Variants in CFAP36 observed in about 807,000 individuals in gnomAD.
CFAP36 encodes the protein cilia and flagella associated protein 36.
In CFAP36, 37 loss-of-function variants were observed where a neutral mutation model predicts 50.5. The ratio of observed to expected loss-of-function variants is 0.73; its 90% CI spans 0.56 to 0.96. The LOEUF is 0.96. Ranked by LOEUF, CFAP36 falls within the 50% of genes least tolerant of loss-of-function variation. The pLI is 0.00. For synonymous variants in CFAP36, 138 were observed against 128.2 expected (o/e 1.08, Z -0.52); for missense variants, 407 against 396.2 (o/e 1.03, Z -0.23).
rs569240974 is a variant in CFAP36, at chr2:55,520,003, C to G, written c.115+87C>G. The G allele has an allele frequency of 2.1e-3, 2,567 of 1,210,818 alleles. 26 individuals carry two copies. The highest frequency in any genetic ancestry group is 0.018 in the Admixed American group (926 of 50,456). 75.0% of individuals were successfully genotyped at this position (1,210,818 alleles called of 1,614,324 possible). On this transcript the variant is annotated intron_variant, in intron 1 of 9. Transcript: ENST00000349456. ...GGGTTGGTAACCACAAGCCATCTCT[C>G]GTCTCCCCGACCCCCTGTCTCCACC...
chr2:55,524,894 T>C (rs1684164792), intron 3 of CFAP36, among the ~76,000 whole-genome samples: 1 of 151,116 alleles, frequency 6.6e-6, no homozygotes, highest in African/African-American at 2.4e-5. Context: ...GGCAGGAGAA[T>C]CCCTTGAACC....
At chr2:55,539,035 T>C in intron 7 of CFAP36, 1 of 818,044 alleles carries the variant, frequency 1.2e-6, no homozygotes. Context: ...GTCCCTGCCC[T>C]AGTACATGCC....
At chr2:55,538,523 A>G (rs944490418) in intron 7 of CFAP36, among the ~76,000 whole-genome samples, 2 of 151,760 alleles carry the variant, frequency 1.3e-5, no homozygotes, top group Non-Finnish European at 2.9e-5. Context: ...CGAACTCCCA[A>G]CCTTAGGTGA....
chr2:55,525,944 G>A (rs1684197656), intron 3 of CFAP36, among the ~76,000 whole-genome samples: 1 of 152,112 alleles, frequency 6.6e-6, no homozygotes, highest in African/African-American at 2.4e-5. Context: ...GCTCTTATAA[G>A]CATCTGTACA....
At position 55,521,589 on chromosome 2, in the gene CFAP36, G is replaced by GTA. The variant is rs1000079986; in HGVS notation, c.116-507_116-506dup. On this transcript the variant is annotated intron_variant, in intron 1 of 9. Coordinates refer to ENST00000349456, the MANE Select transcript of CFAP36 (RefSeq NM_080667.7). ...CAAAAAAGCTTGTTTACAATTAATA[G>GTA]TATATATGTGTGTGTGTGTGTGTGT... Among the ~76,000 whole-genome samples the GTA allele has an allele frequency of 1.5e-4, 20 of 132,144 alleles. No individual in the cohort carries two copies. The South Asian group carries it at 2.4e-3, about 16-fold the overall frequency. 86.7% of individuals were successfully genotyped at this position (132,144 alleles called of 152,430 possible).
At chr2:55,520,331 C>G in intron 1 of CFAP36, 3 of 1,314,026 alleles carry the variant, frequency 2.3e-6, no homozygotes, top group Non-Finnish European at 3.1e-6. Flanking sequence ...TACCTGAGTT[C>G]CTTATGATCC....
chr2:55,530,971 C>T (rs1055790710), intron 4 of CFAP36: 4 of 152,202 alleles, frequency 2.6e-5, no homozygotes, highest in African/African-American at 9.6e-5. Flanking sequence ...ATGGCCCTTA[C>T]TGGGGAGTTT....
chr2:55,533,061 T>C (rs1346028049), intron 4 of CFAP36, among the ~76,000 whole-genome samples: 7 of 152,246 alleles, frequency 4.6e-5, no homozygotes, highest in African/African-American at 1.7e-4. Context: ...AACACCATGG[T>C]TTTATTACAC....
chr2:55,527,563 C>A (rs969890375), intron 3 of CFAP36, among the ~76,000 whole-genome samples: 5 of 151,722 alleles, frequency 3.3e-5, no homozygotes, highest in African/African-American at 9.7e-5. Context: ...GCCTGGGTGA[C>A]AGAACAAGAC....
At chr2:55,544,129 A>G in intron 8 of CFAP36, 55 bp downstream of exon 8, 1 of 1,609,276 alleles carries the variant, frequency 6.2e-7, no homozygotes, top group South Asian at 1.1e-5. Context: ...GTACTGGGAA[A>G]TCAAACTTCG....
chr2:55,533,707 A>AT (rs1158717747), intron 4 of CFAP36, among the ~76,000 whole-genome samples, 166 bp from the exon 5 acceptor site: 387 of 72,272 alleles, frequency 5.4e-3, no homozygotes, highest in South Asian at 0.021. Flanking sequence ...AAAAAAAAAA[A>AT]AATATATATA....
Position 55,524,422 on chromosome 2 carries a change from ATTTTTTTTTTTTT to A in CFAP36, c.282+613_282+625del, listed in dbSNP as rs57908457. Among the ~76,000 whole-genome samples, 186 of 99,378 alleles carry A rather than the reference ATTTTTTTTTTTTT, an allele frequency of 1.9e-3. 1 individual carries two copies. The highest frequency in any genetic ancestry group is 8.2e-3 in the African/African-American group (178 of 21,650). The allele number at this position is 99,378 out of a possible 152,430, so 65.2% of individuals were successfully genotyped here. A position where few individuals can be genotyped will look rare whatever the true frequency, so the allele number is the denominator to read the frequency against. ...GGTGCCGCACCAGCACACATGGCTA[ATTTTTTTTTTTTT>A]TTTTTTTTTTTTGTAGAGACAGGGT... is the stretch of plus-strand genomic sequence containing the variant. On this transcript the variant is annotated intron_variant, in intron 3 of 9. Transcript: ENST00000349456.
chr2:55,529,202 A>G (rs77638956), intron 4 of CFAP36, among the ~76,000 whole-genome samples: 2 of 152,028 alleles, frequency 1.3e-5, no homozygotes, highest in East Asian at 3.9e-4. Context: ...CGGGCAGACC[A>G]TGAGGTCAGG....
At position 55,544,259 on chromosome 2, in the gene CFAP36, G is replaced by C; in HGVS notation, c.817G>C (p.Glu273Gln). ...VLGTEELRQREHYLKQKRDKL... is the reference protein window; with the variant it reads ...VLGTEELRQRQHYLKQKRDKL... ...TGGAACAGAAGAACTTCGGCAACGA[G>C]AACACTATCTCAAGCAGAAGAGAGA... is the stretch of plus-strand genomic sequence containing the variant. Residue 273 changes from glutamate (E) to glutamine (Q), a missense_variant, in exon 9 of 10, where the codon GAA becomes CAA. By Grantham distance (29) the Glu-to-Gln change is conservative. Transcript: ENST00000349456. The C allele has an allele frequency of 4.3e-6, 7 of 1,613,860 alleles. No homozygotes were observed. The highest frequency in any genetic ancestry group is 5.1e-6 in the Non-Finnish European group (6 of 1,179,934).
rs1574620473 is a variant in CFAP36, at chr2:55,533,724, A to T, written c.398-149A>T. On this transcript the variant is annotated intron_variant, in intron 4 of 9. Coordinates refer to ENST00000349456, the MANE Select transcript of CFAP36 (RefSeq NM_080667.7). ...AAAAAAAAAAATATATATATATATA[A>T]AATAAAAGATGATAGTTAAAAAGAT... is the stretch of plus-strand genomic sequence containing the variant. The T allele has an allele frequency of 1.2e-5, 3 of 243,462 alleles. No homozygotes were observed. The East Asian group carries it at 2.3e-4, about 18-fold the overall frequency. The allele number at this position is 243,462 out of a possible 1,614,324, so 15.1% of individuals were successfully genotyped here.
Position 55,543,812 on chromosome 2 carries a change from T to C in CFAP36, c.641-126T>C, listed in dbSNP as rs1684701942. On this transcript the variant is annotated intron_variant, in intron 7 of 9. Transcript: ENST00000349456. ...TGGCACAGTATAGGCACTGAATATA[T>C]GTTGACTGAATGACTATGAGGAAAA... 6.6e-6 allele frequency: 6 copies of C among 905,926 alleles called. No homozygotes were observed. The Admixed American group carries it at 1.3e-4, about 20-fold the overall frequency. The allele number at this position is 905,926 out of a possible 1,614,324, so 56.1% of individuals were successfully genotyped here.
chr2:55,533,351 A>G lies in CFAP36; in HGVS notation c.398-522A>G, dbSNP rs1684399747. The stretch of plus-strand genomic sequence containing the variant: ...TAATTACTAAGAGATATTTGTAGTT[A>G]AAAGTGTGGGGTTTTTGGTGGGGCT... On this transcript the variant is annotated intron_variant, in intron 4 of 9. Transcript: ENST00000349456. Among the ~76,000 whole-genome samples the G allele has an allele frequency of 2.0e-5, 3 of 152,202 alleles. No individual in the cohort carries two copies. In the South Asian group the frequency reaches 6.2e-4, roughly 31 times the overall value.
At chr2:55,539,586 G>C (rs1259531954) in intron 7 of CFAP36, 1 of 152,232 alleles carries the variant, frequency 6.6e-6, no homozygotes, top group African/African-American at 2.4e-5. Context: ...ATAAACATCA[G>C]TGTGCAGGTT....
chr2:55,534,089 C>A, intron 5 of CFAP36, 129 bp downstream of exon 5: 1 of 496,140 alleles, frequency 2.0e-6, no homozygotes. Flanking sequence ...TCAAAATGAT[C>A]TATCAATTTA....
Sources: allele counts gnomAD v4.1 joint callset (sites outside exome capture counted in the v4.1 genomes callset), GRCh38; gene constraint gnomAD v4.1.1; transcripts MANE v1.5; gene names NCBI Gene and HGNC (gene_info 2026-07-23, HGNC 2026-07-21).